Variants in PCLO observed in about 807,000 individuals in gnomAD.
The protein encoded by PCLO is piccolo presynaptic cytomatrix protein, also known as protein piccolo.
In PCLO, 82 loss-of-function variants were observed where a neutral mutation model predicts 427.5. The ratio of observed to expected loss-of-function variants is 0.19; its 90% CI spans 0.16 to 0.23. The LOEUF is 0.23. PCLO is among the 10% of genes least tolerant of loss of function. PCLO has a pLI of 1.00. For missense variants in PCLO, 6,239 were observed against 6,115.9 expected (o/e 1.02, Z -0.67); for synonymous variants, 2,357 against 2,155.4 (o/e 1.09, Z -2.59).
rs138874001 is a variant in PCLO at position 82,916,276 on chromosome 7, T to G, written c.11710A>C (p.Thr3904Pro). The G allele has an allele frequency of 3.1e-6, 5 of 1,613,488 alleles. No homozygotes were observed. The highest frequency in any genetic ancestry group is 3.4e-6 in the Non-Finnish European group (4 of 1,179,678). ...ALPTQAPTSY[T>P]QQSHFEQQTL... ...TGTTGCTCAAAATGAGACTGTTGAG[T>G]GTATGAGGTGGGTGCTTGGGTAGGA... Residue 3904 changes from threonine (T) to proline (P), a missense_variant, in exon 7 of 25, where the codon ACT (threonine) becomes CCT (proline). By Grantham distance (38) the Thr-to-Pro change is conservative. Coordinates refer to ENST00000333891, the MANE Select transcript of PCLO (RefSeq NM_033026.6).
intron 24 of PCLO, 121 bp downstream of exon 24, chr7:82,760,518 T>G: frequency 1.7e-6 from 1 of 583,774 alleles, no homozygotes; most frequent in Non-Finnish European, 2.7e-6. Flanking sequence ...CTGCTGAAAA[T>G]TAATTAACTT....
chr7:82,890,850 T>C (rs17282763), intron 9 of PCLO, among the ~76,000 whole-genome samples: 34,141 of 151,878 alleles, frequency 0.22, 4,699 homozygotes, highest in Middle Eastern at 0.36. Context: ...GAAGAAACAG[T>C]TATACTTTCA....
chr7:82,809,038 C>A (rs1461188701), intron 20 of PCLO, among the ~76,000 whole-genome samples: 1 of 151,872 alleles, frequency 6.6e-6, no homozygotes, highest in Admixed American at 6.6e-5. Context: ...TGTATTTACT[C>A]ATTTCTTTCT....
intron 9 of PCLO, among the ~76,000 whole-genome samples, chr7:82,880,975 A>T (rs7790460): frequency 0.062 from 9,434 of 152,194 alleles, 976 homozygotes; most frequent in African/African-American, 0.21. Flanking sequence ...CTTTCCTTCT[A>T]TTTGAATATC....
At chr7:82,924,394 T>C (rs977885156) in intron 6 of PCLO, among the ~76,000 whole-genome samples, 1 of 152,096 alleles carries the variant, frequency 6.6e-6, no homozygotes, top group Non-Finnish European at 1.5e-5. Context: ...CAAAAGGTAT[T>C]CAACTAGCTA....
In PCLO at chr7:83,084,699, C is replaced by T. The variant is rs372155551; in HGVS notation, c.3300+49551G>A. On this transcript the variant is annotated intron_variant, in intron 3 of 24. Transcript: ENST00000333891. ...GCTTTGCAGAATATTTTCTTCCTCT[C>T]TGTCTCTCAAACACATACTTTAAAA... is the stretch of plus-strand genomic sequence containing the variant. 5.3e-5 allele frequency among the ~76,000 whole-genome samples: 8 copies of T among 152,248 alleles called. 1 individual carries two copies. Among genetic ancestry groups the T allele is most frequent in the African/African-American group, 1.9e-4 (8 of 41,560 alleles).
intron 6 of PCLO, among the ~76,000 whole-genome samples, chr7:82,949,256 T>TACACACACACAC (rs369915572): frequency 2.7e-5 from 4 of 149,702 alleles, no homozygotes; most frequent in African/African-American, 9.8e-5. Context: ...TATGGTTTCC[T>TACACACACACAC]ACACACACAC....
chr7:83,056,507 G>A (rs1159178997), intron 3 of PCLO, among the ~76,000 whole-genome samples: 3 of 152,126 alleles, frequency 2.0e-5, no homozygotes, highest in African/African-American at 7.2e-5. Flanking sequence ...AAATGCACTT[G>A]TCTTTACACA....
intron 3 of PCLO, among the ~76,000 whole-genome samples, chr7:83,078,555 G>A (rs568426343): frequency 5.2e-5 from 5 of 96,690 alleles, no homozygotes; most frequent in Admixed American, 1.1e-4. Context: ...TTATTGAGAC[G>A]GAGTTTCACT....
intron 3 of PCLO, among the ~76,000 whole-genome samples, chr7:82,969,647 G>A (rs1234473552): frequency 6.6e-6 from 1 of 151,992 alleles, no homozygotes; most frequent in Non-Finnish European, 1.5e-5. Context: ...GTCAAATAAT[G>A]ACAAAATAAT....
chr7:83,099,523 G>A (rs2116481123), intron 3 of PCLO, among the ~76,000 whole-genome samples: 1 of 151,758 alleles, frequency 6.6e-6, no homozygotes, highest in Admixed American at 6.6e-5. Flanking sequence ...TGAGTAGATG[G>A]GATTACAGGC....
chr7:82,832,800 TACACAC>T (rs10645073), intron 16 of PCLO, among the ~76,000 whole-genome samples: 6,001 of 140,610 alleles, frequency 0.043, 139 homozygotes, highest in Middle Eastern at 0.055. Context: ...CTAAACTTAC[TACACAC>T]ACACACACAC....
chr7:83,030,770 A>G (rs1442479038), intron 3 of PCLO, among the ~76,000 whole-genome samples: 6 of 152,220 alleles, frequency 3.9e-5, no homozygotes, highest in South Asian at 2.1e-4. Context: ...AGGCCTTTCA[A>G]TCAGCCCAAA....
chr7:83,162,197 A>C, intron 1 of PCLO, 148 bp downstream of exon 1: 5 of 819,380 alleles, frequency 6.1e-6, no homozygotes, highest in South Asian at 1.8e-5. Flanking sequence ...CACAAGGCTT[A>C]GGATCTCTCT....
intron 6 of PCLO, among the ~76,000 whole-genome samples, chr7:82,926,497 C>T (rs1237467978): frequency 1.3e-5 from 2 of 151,992 alleles, no homozygotes; most frequent in African/African-American, 2.4e-5. Context: ...ATTTAAAAGT[C>T]GTACATGTAT....
Position 82,955,395 on chromosome 7 carries a change from C to G in PCLO, c.5558G>C (p.Arg1853Thr). The G allele has an allele frequency of 6.2e-7, 1 of 1,613,892 alleles. No homozygotes were observed. Among genetic ancestry groups the G allele is most frequent in the Non-Finnish European group, 8.5e-7 (1 of 1,179,832 alleles). ...AGGTGAATATTCAGAACAAGAAGAT[C>G]TATGGAGCTCCTCCATTTCTGCAGC... ...RQAAEMEELH[R>T]SSCSEYSPSI... The change falls in exon 5 of 25, where the codon AGA (arginine) becomes ACA (threonine). Residue 1853 changes from arginine (R) to threonine (T), a missense_variant. Transcript: ENST00000333891.
At chr7:82,991,969 AC>A (rs1170574158) in intron 3 of PCLO, among the ~76,000 whole-genome samples, 2 of 152,142 alleles carry the variant, frequency 1.3e-5, no homozygotes, top group African/African-American at 4.8e-5. Flanking sequence ...GGCTCAAGAG[AC>A]ATACCACTGT....
At chr7:82,936,633 A>G (rs187412249) in intron 6 of PCLO, among the ~76,000 whole-genome samples, 1 of 151,834 alleles carries the variant, frequency 6.6e-6, no homozygotes, top group Non-Finnish European at 1.5e-5. Flanking sequence ...AAAGTTAAAT[A>G]TGGAATTACT....
At chr7:82,809,581 GAACAATATTTAATGAATAAGTAAT>G (rs1322460473) in intron 20 of PCLO, among the ~76,000 whole-genome samples, 3 of 140,544 alleles carry the variant, frequency 2.1e-5, no homozygotes, top group Non-Finnish European at 3.1e-5. Flanking sequence ...AACCATGTTT[GAACAATATTTAATGAATAAGTAAT>G]AATAATAATA....
Sources: allele counts gnomAD v4.1 joint callset (sites outside exome capture counted in the v4.1 genomes callset), GRCh38; gene constraint gnomAD v4.1.1; transcripts MANE v1.5; gene names NCBI Gene and HGNC (gene_info 2026-07-23, HGNC 2026-07-21).